Variants in DPP10 observed in about 807,000 individuals in gnomAD.
The protein encoded by DPP10 is dipeptidyl peptidase like 10.
Under a neutral mutation model 120.9 loss-of-function variants are expected in DPP10, and 33 were observed. The observed-to-expected ratio is 0.27, with a 90% CI of 0.21 to 0.37. The LOEUF (loss-of-function observed/expected upper bound fraction) is 0.37, where lower values mean the gene tolerates loss of function less well. Ranked by LOEUF, DPP10 falls within the 10% of genes least tolerant of loss-of-function variation. The pLI is 1.00. For synonymous variants in DPP10, 337 were observed against 326.1 expected (o/e 1.03, Z -0.36); for missense variants, 816 against 942.8 (o/e 0.87, Z 1.76).
At chr2:115,837,091 C>G (rs1689617778) in intron 24 of DPP10, among the ~76,000 whole-genome samples, 1 of 152,150 alleles carries the variant, frequency 6.6e-6, no homozygotes, top group Non-Finnish European at 1.5e-5. Flanking sequence ...TAAAAAGGCA[C>G]TTGTGTCTAG....
At chr2:115,090,983 T>C (rs1461024118) in intron 1 of DPP10, among the ~76,000 whole-genome samples, 2 of 152,196 alleles carry the variant, frequency 1.3e-5, no homozygotes, top group Admixed American at 6.5e-5. Context: ...AGGTGGTTTT[T>C]GATCAAGGTG....
intron 5 of DPP10, among the ~76,000 whole-genome samples, chr2:115,642,637 C>T (rs1301658253): frequency 1.3e-5 from 2 of 151,944 alleles, no homozygotes; most frequent in African/African-American, 4.8e-5. Flanking sequence ...CTCTCTATCT[C>T]CCTCTCTCCT....
At chr2:114,652,409 A>T (rs1025115620) in intron 1 of DPP10, among the ~76,000 whole-genome samples, 4 of 152,206 alleles carry the variant, frequency 2.6e-5, no homozygotes, top group African/African-American at 9.6e-5. Context: ...AGCTGCCTTC[A>T]TTGAGAAGTA....
At chr2:114,974,769 T>A (rs1047455724) in intron 1 of DPP10, among the ~76,000 whole-genome samples, 2 of 152,138 alleles carry the variant, frequency 1.3e-5, no homozygotes, top group African/African-American at 4.8e-5. Context: ...TTTGTGTAAG[T>A]AGGCCCTATG....
chr2:114,932,937 GC>G (rs2104511703), intron 1 of DPP10, among the ~76,000 whole-genome samples: 1 of 152,214 alleles, frequency 6.6e-6, no homozygotes, highest in East Asian at 1.9e-4. Context: ...CATTTGTGTG[GC>G]CTTATCTATC....
chr2:114,719,257 C>A (rs1701550611), intron 1 of DPP10, among the ~76,000 whole-genome samples: 1 of 152,094 alleles, frequency 6.6e-6, no homozygotes, highest in African/African-American at 2.4e-5. Flanking sequence ...CTAGTAAGTT[C>A]CAGCCTAGGC....
At chr2:115,827,550 ATT>A (rs1317391161) in intron 21 of DPP10, among the ~76,000 whole-genome samples, 9 of 149,004 alleles carry the variant, frequency 6.0e-5, no homozygotes, top group Admixed American at 2.0e-4. Flanking sequence ...TATTGTTATA[ATT>A]TTTGCATTTA....
rs1412698732 is a variant in DPP10 at position 115,473,709 on chromosome 2, G to A, written c.272-25801G>A. 2.6e-5 allele frequency among the ~76,000 whole-genome samples: 4 copies of A among 152,140 alleles called. No homozygotes were observed. In the East Asian group the frequency reaches 7.7e-4, roughly 29 times the overall value. ...CACTCTAGAAATCAGCTAACTTTATGACTACTTAGAGTTTTAGGATTTTAT... is the reference window on the plus strand; with the variant it reads ...CACTCTAGAAATCAGCTAACTTTATAACTACTTAGAGTTTTAGGATTTTAT... On this transcript the variant is annotated intron_variant, in intron 3 of 25. Transcript: ENST00000410059.
At chr2:115,377,620 C>G (rs1483907702) in intron 3 of DPP10, among the ~76,000 whole-genome samples, 1 of 152,152 alleles carries the variant, frequency 6.6e-6, no homozygotes, top group Non-Finnish European at 1.5e-5. Context: ...GACATGAAGT[C>G]CTTGCCCATG....
At chr2:115,028,811 ACTTT>A (rs760618907) in intron 1 of DPP10, among the ~76,000 whole-genome samples, 105 of 151,908 alleles carry the variant, frequency 6.9e-4, no homozygotes, top group Non-Finnish European at 1.2e-3. Context: ...TTATATTCTG[ACTTT>A]CTTTGTCTCT....
At chr2:115,649,960 G>T (rs1330959001) in intron 5 of DPP10, among the ~76,000 whole-genome samples, 2 of 151,974 alleles carry the variant, frequency 1.3e-5, no homozygotes, top group East Asian at 3.9e-4. Flanking sequence ...TAAGACATAT[G>T]TGTTTTGTTT....
rs116288114 is a variant in DPP10, at chr2:114,597,980, G to T, written c.60+155142G>T. 7.2e-3 allele frequency among the ~76,000 whole-genome samples: 1,090 copies of T among 151,954 alleles called. 12 individuals carry two copies. The highest frequency in any genetic ancestry group is 0.025 in the African/African-American group (1,055 of 41,488). ...GAAGGAAAATGGTACTTTTGACTTT[G>T]GGGATTAAGAGAAGTTTTAAGGGAG... On this transcript the variant is annotated intron_variant, in intron 1 of 25. Transcript: ENST00000410059.
At chr2:114,716,260 GTT>G (rs1701340729) in intron 1 of DPP10, among the ~76,000 whole-genome samples, 1 of 152,222 alleles carries the variant, frequency 6.6e-6, no homozygotes, top group Non-Finnish European at 1.5e-5. Flanking sequence ...ATACCGAAAT[GTT>G]TGATATAAAG....
chr2:114,661,108 A>G (rs1697366853), intron 1 of DPP10, among the ~76,000 whole-genome samples: 1 of 152,190 alleles, frequency 6.6e-6, no homozygotes. Context: ...TTCTGCCCCA[A>G]ATGATATATG....
At chr2:115,801,259 G>T (rs9710819) in intron 19 of DPP10, among the ~76,000 whole-genome samples, 66,213 of 151,944 alleles carry the variant, frequency 0.44, 17,183 homozygotes, top group East Asian at 0.67. Flanking sequence ...TGTATAGGAA[G>T]GCTTGTGATT....
At chr2:115,530,352 G>A (rs1285299126) in intron 5 of DPP10, among the ~76,000 whole-genome samples, 1 of 151,984 alleles carries the variant, frequency 6.6e-6, no homozygotes, top group East Asian at 1.9e-4. Context: ...ATCATGTTAT[G>A]TATCATATAT....
intron 1 of DPP10, among the ~76,000 whole-genome samples, chr2:115,098,980 T>C (rs1167649868): frequency 6.6e-6 from 1 of 151,986 alleles, no homozygotes; most frequent in Non-Finnish European, 1.5e-5. Flanking sequence ...AACAAAGAGA[T>C]GCCTCAAGAA....
intron 3 of DPP10, among the ~76,000 whole-genome samples, chr2:115,367,869 G>GAAAAAA (rs36120778): frequency 6.6e-6 from 1 of 151,730 alleles, no homozygotes. Flanking sequence ...GATGCAAAAG[G>GAAAAAA]AAAAAAATAC....
At chr2:115,833,312 T>C (rs983568654) in intron 21 of DPP10, among the ~76,000 whole-genome samples, 3 of 152,112 alleles carry the variant, frequency 2.0e-5, no homozygotes, top group African/African-American at 7.2e-5. Context: ...CATGGTATTG[T>C]TAATAGAACC....
Sources: allele counts gnomAD v4.1 joint callset (sites outside exome capture counted in the v4.1 genomes callset), GRCh38; gene constraint gnomAD v4.1.1; transcripts MANE v1.5; gene names NCBI Gene and HGNC (gene_info 2026-07-23, HGNC 2026-07-21).